Variants in CD84 observed in about 807,000 individuals in gnomAD.
CD84 encodes the protein SLAM family member 5.
In CD84, 22 loss-of-function variants were observed where a neutral mutation model predicts 33.8. The observed-to-expected ratio is 0.65, with a 90% CI of 0.46 to 0.93. The LOEUF (loss-of-function observed/expected upper bound fraction) is 0.93. CD84 is among the 40% of genes least tolerant of loss of function. The pLI is 0.00. For missense variants in CD84, 400 were observed against 397.6 expected (o/e 1.01, Z -0.05); for synonymous variants, 154 against 145.2 (o/e 1.06, Z -0.44).
intron 2 of CD84, among the ~76,000 whole-genome samples, chr1:160,557,271 G>A (rs1435141268): frequency 2.0e-5 from 3 of 152,220 alleles, no homozygotes; most frequent in Non-Finnish European, 4.4e-5. Context: ...CATCGGTATA[G>A]AAACTGATTC....
At chr1:160,577,925 G>A (rs1658072134) in intron 1 of CD84, among the ~76,000 whole-genome samples, 1 of 152,144 alleles carries the variant, frequency 6.6e-6, no homozygotes, top group African/African-American at 2.4e-5. Context: ...TTCAGTAGAT[G>A]AAAGAAGTGT....
At chr1:160,554,358 T>C (rs1656462242) in intron 2 of CD84, among the ~76,000 whole-genome samples, 1 of 152,240 alleles carries the variant, frequency 6.6e-6, no homozygotes, top group Admixed American at 6.5e-5. Flanking sequence ...CTGCTGTCTA[T>C]GCTCTCGAGG....
chr1:160,565,377 C>G (rs761314387), intron 2 of CD84, 27 bp downstream of exon 2: 2 of 1,522,260 alleles, frequency 1.3e-6, no homozygotes, highest in South Asian at 1.3e-5. Context: ...AAATAAAACA[C>G]AAGCTCTCCG....
rs1043543502 is a variant in CD84, at chr1:160,542,873, C to T, written c.*5383G>A. 1 of 152,214 alleles carries T rather than the reference C, an allele frequency of 6.6e-6. No individual in the cohort carries two copies. Among genetic ancestry groups the T allele is most frequent in the African/African-American group, 2.4e-5 (1 of 41,454 alleles). 9.4% of individuals were successfully genotyped at this position (152,214 alleles called of 1,614,324 possible). On this transcript the variant is annotated 3_prime_UTR_variant, in exon 7 of 7. Transcript: ENST00000368054. ...TGTTTTGAAAAATTACTGGACCCCT[C>T]ACACTTGGATGGGGGCTTATTTAAG...
intron 4 of CD84, among the ~76,000 whole-genome samples, chr1:160,551,730 A>C (rs1656241539): frequency 6.6e-6 from 1 of 152,140 alleles, no homozygotes; most frequent in African/African-American, 2.4e-5. Flanking sequence ...TTTTTGGTAG[A>C]GACAGGGTTT....
Position 160,565,856 on chromosome 1 carries a change from A to G in CD84, c.47-111T>C, listed in dbSNP as rs113709380. 2.1e-5 allele frequency: 18 copies of G among 852,668 alleles called. 1 individual carries two copies. Among genetic ancestry groups the G allele is most frequent in the Middle Eastern group, 6.4e-4 (2 of 3,138 alleles). 52.8% of individuals were successfully genotyped at this position (852,668 alleles called of 1,614,324 possible). ...GAGCTGCCACAAATGCAGTTCACCC[A>G]GTTTCTTGAGGATGCCTTTTTTTTT... On this transcript the variant is annotated intron_variant, in intron 1 of 6. Coordinates refer to ENST00000368054, the MANE Select transcript of CD84 (RefSeq NM_003874.4).
At position 160,554,091 on chromosome 1, in the gene CD84, G is replaced by A. The variant is rs769540838; in HGVS notation, c.444C>T (p.Thr148=). ...TQSLMASVNS[T]CNVTLTCSVE... Reference sequence around the variant, plus strand: ...CAGAGCATGTCAGTGTGACATTACAGGTGCTGTTCACAGATGCCATTAAAC... The same window carrying A: ...CAGAGCATGTCAGTGTGACATTACAAGTGCTGTTCACAGATGCCATTAAAC... The change falls in exon 3 of 7, where the codon ACC becomes ACT. Residue 148 remains threonine (T), a synonymous_variant. Coordinates refer to ENST00000368054, the MANE Select transcript of CD84 (RefSeq NM_003874.4). 3.7e-6 allele frequency: 6 copies of A among 1,614,144 alleles called. No homozygotes were observed. The highest frequency in any genetic ancestry group is 1.6e-4 in the Middle Eastern group (1 of 6,062).
At chr1:160,555,806 T>C (rs1435667802) in intron 2 of CD84, among the ~76,000 whole-genome samples, 1 of 152,122 alleles carries the variant, frequency 6.6e-6, no homozygotes, top group Non-Finnish European at 1.5e-5. Flanking sequence ...AGACACAAGA[T>C]ATAAGAACCA....
At chr1:160,548,579 G>C (rs1323944718) in intron 6 of CD84, among the ~76,000 whole-genome samples, 1 of 152,066 alleles carries the variant, frequency 6.6e-6, no homozygotes. Context: ...ATGGGGGCGG[G>C]GGCATATTTG....
chr1:160,558,363 G>A (rs1380437202), intron 2 of CD84, among the ~76,000 whole-genome samples: 3 of 152,184 alleles, frequency 2.0e-5, no homozygotes, highest in Non-Finnish European at 4.4e-5. Flanking sequence ...AGGGTCTGGA[G>A]TGGACCCTCA....
At chr1:160,562,001 C>T (rs1012189256) in intron 2 of CD84, among the ~76,000 whole-genome samples, 3 of 151,634 alleles carry the variant, frequency 2.0e-5, no homozygotes, top group Non-Finnish European at 4.4e-5. Context: ...ATTAATATGC[C>T]TAGGAATACA....
At chr1:160,558,936 A>G (rs1489842461) in intron 2 of CD84, among the ~76,000 whole-genome samples, 1 of 152,216 alleles carries the variant, frequency 6.6e-6, no homozygotes, top group Non-Finnish European at 1.5e-5. Flanking sequence ...AAAAGAAAAA[A>G]GAATGAAAAG....
rs1433075862 is a variant in CD84, at chr1:160,541,318, A to C, written c.*6938T>G. On this transcript the variant is annotated 3_prime_UTR_variant, in exon 7 of 7. Coordinates refer to ENST00000368054, the MANE Select transcript of CD84 (RefSeq NM_003874.4). ...GTGGCATTTGCCACTAGTGAGCATA[A>C]TTTCCATGTTCAAATGAATAATGAA... 3 of 152,238 alleles carry C rather than the reference A, an allele frequency of 2.0e-5. No homozygotes were observed. The highest frequency in any genetic ancestry group is 4.4e-5 in the Non-Finnish European group (3 of 68,040). The allele number at this position is 152,238 out of a possible 1,614,324, so 9.4% of individuals were successfully genotyped here. A position where few individuals can be genotyped will look rare whatever the true frequency, so the allele number is the denominator to read the frequency against.
At chr1:160,552,777 G>C in intron 4 of CD84, 1 of 1,474,564 alleles carries the variant, frequency 6.8e-7, no homozygotes, top group Non-Finnish European at 9.3e-7. Flanking sequence ...GAACATGGAA[G>C]CAGAAGTTCC....
chr1:160,567,124 T>TACTG (rs910186537), intron 1 of CD84, among the ~76,000 whole-genome samples: 1 of 152,190 alleles, frequency 6.6e-6, no homozygotes, highest in Non-Finnish European at 1.5e-5. Flanking sequence ...TTCTGGTGTG[T>TACTG]ACTGGTTGCA....
intron 1 of CD84, among the ~76,000 whole-genome samples, chr1:160,578,625 CA>C (rs1658117605): frequency 6.6e-6 from 1 of 152,118 alleles, no homozygotes; most frequent in Non-Finnish European, 1.5e-5. Flanking sequence ...TCTGTTAGAG[CA>C]ATTGTTTGTA....
intron 1 of CD84, among the ~76,000 whole-genome samples, chr1:160,576,171 A>G (rs1657982446): frequency 6.6e-6 from 1 of 152,124 alleles, no homozygotes; most frequent in Non-Finnish European, 1.5e-5. Context: ...ATACTTCCAC[A>G]GGTATGCTTC....
intron 2 of CD84, among the ~76,000 whole-genome samples, chr1:160,556,316 C>T (rs1299818498): frequency 1.3e-5 from 2 of 152,190 alleles, no homozygotes; most frequent in South Asian, 2.1e-4. Context: ...GGCTCTACTG[C>T]TCTCTAGCTA....
At position 160,551,059 on chromosome 1, in the gene CD84, C is replaced by T. The variant is rs114207034; in HGVS notation, c.761-24G>A. 14,395 of 1,555,108 alleles carry T rather than the reference C, an allele frequency of 9.3e-3. 93 individuals carry two copies. The highest frequency in any genetic ancestry group is 0.01 in the Non-Finnish European group (11,655 of 1,126,326). The stretch of plus-strand genomic sequence containing the variant: ...ATCTGTCTCACAAATAAATATAGAC[C>T]CACAGTCTGTGAAAGGTGGTTTTTT... On this transcript the variant is annotated intron_variant, in intron 4 of 6. Coordinates refer to ENST00000368054, the MANE Select transcript of CD84 (RefSeq NM_003874.4).
Sources: allele counts gnomAD v4.1 joint callset (sites outside exome capture counted in the v4.1 genomes callset), GRCh38; gene constraint gnomAD v4.1.1; transcripts MANE v1.5; gene names NCBI Gene and HGNC (gene_info 2026-07-23, HGNC 2026-07-21).